Variants in CTNNA3 observed in about 807,000 individuals in gnomAD.
CTNNA3 encodes catenin alpha 3.
CTNNA3 carries 76 observed loss-of-function variants against 95.7 expected under a neutral mutation model. The observed-to-expected ratio is 0.79, with a 90% confidence interval of 0.66 to 0.96. CTNNA3 has a LOEUF of 0.96. CTNNA3 is among the 40% of genes least tolerant of loss of function. CTNNA3 has a pLI of 0.00. For missense variants in CTNNA3, 1,191 were observed against 1,089.8 expected (o/e 1.09, Z -1.31); for synonymous variants, 431 against 374.4 (o/e 1.15, Z -1.74).
intron 15 of CTNNA3, among the ~76,000 whole-genome samples, chr10:66,000,940 C>T (rs1233110695): frequency 6.6e-6 from 1 of 152,066 alleles, no homozygotes; most frequent in African/African-American, 2.4e-5. Flanking sequence ...TCCCATAAAA[C>T]ATATCGAGTT....
chr10:66,453,682 G>A (rs1476269528), intron 11 of CTNNA3, among the ~76,000 whole-genome samples: 4 of 152,162 alleles, frequency 2.6e-5, no homozygotes. Flanking sequence ...GAATAACACA[G>A]CAAATGCTTT....
Position 66,927,085 on chromosome 10 carries a change from T to C in CTNNA3, c.1048-151561A>G. The C allele has an allele frequency of 6.2e-7, 1 of 1,614,190 alleles. No homozygotes were observed. Among genetic ancestry groups the C allele is most frequent in the South Asian group, 1.1e-5 (1 of 91,086 alleles). The stretch of plus-strand genomic sequence containing the variant: ...ATCTCAGAAATTACAGGAGATACCC[T>C]CAAGTATATCTGCTGGTTGCTTAGG... On this transcript the variant is annotated intron_variant, in intron 7 of 17. Coordinates refer to ENST00000433211, the MANE Select transcript of CTNNA3 (RefSeq NM_013266.4). This position sits in a 1 kb window ranked among gnomAD's most constrained non-coding sequence, Gnocchi z 4.7.
At chr10:66,066,808 T>C (rs1018541209) in intron 15 of CTNNA3, among the ~76,000 whole-genome samples, 1 of 152,122 alleles carries the variant, frequency 6.6e-6, no homozygotes, top group Non-Finnish European at 1.5e-5. Flanking sequence ...AAGACAAAAA[T>C]ATGCATATGA....
At chr10:67,252,052 A>G (rs1225303468) in intron 5 of CTNNA3, among the ~76,000 whole-genome samples, 1 of 152,008 alleles carries the variant, frequency 6.6e-6, no homozygotes, top group Non-Finnish European at 1.5e-5. Context: ...TCTACCAAGA[A>G]ACACAAAAAT....
At chr10:67,380,549 T>C (rs990421698) in intron 5 of CTNNA3, among the ~76,000 whole-genome samples, 8 of 152,212 alleles carry the variant, frequency 5.3e-5, no homozygotes, top group Admixed American at 4.6e-4. Flanking sequence ...TGACCTGTAC[T>C]TATGAAAGAC....
chr10:66,951,322 G>A (rs1241095983), intron 7 of CTNNA3, among the ~76,000 whole-genome samples: 1 of 151,982 alleles, frequency 6.6e-6, no homozygotes, highest in African/African-American at 2.4e-5. Context: ...CACCATGTTG[G>A]CCAGGCTGGT....
intron 7 of CTNNA3, among the ~76,000 whole-genome samples, chr10:66,873,582 T>C (rs1166824559): frequency 6.6e-6 from 1 of 152,000 alleles, no homozygotes; most frequent in Non-Finnish European, 1.5e-5. Flanking sequence ...TTTGCTTGTT[T>C]CAAAGAACCC....
intron 1 of CTNNA3, among the ~76,000 whole-genome samples, chr10:67,727,822 T>C (rs886797234): frequency 3.1e-5 from 4 of 129,584 alleles, no homozygotes; most frequent in Non-Finnish European, 4.6e-5. Flanking sequence ...ATATCATATA[T>C]TATATTACAT....
At chr10:67,691,522 T>G (rs1840852823) in intron 1 of CTNNA3, among the ~76,000 whole-genome samples, 1 of 146,850 alleles carries the variant, frequency 6.8e-6, no homozygotes, top group Non-Finnish European at 1.5e-5. Context: ...GTCTGAGATG[T>G]GGGGAGCACC....
Position 67,398,983 on chromosome 10 carries a change from T to C in CTNNA3, c.579+122859A>G, listed in dbSNP as rs75357868. Among the ~76,000 whole-genome samples, 262 of 152,260 alleles carry C rather than the reference T, an allele frequency of 1.7e-3. 5 individuals carry two copies. The East Asian group carries it at 0.033, about 19-fold the overall frequency. On this transcript the variant is annotated intron_variant, in intron 5 of 17. Transcript: ENST00000433211. ...TTCATAAATTACCCAGTCTCAGATA[T>C]GTCTTTATTAGCAGCATGAGAACAG...
Position 66,565,499 on chromosome 10 carries a change from A to G in CTNNA3, c.1375-44726T>C, listed in dbSNP as rs570285989. Among the ~76,000 whole-genome samples, 5 of 152,312 alleles carry G rather than the reference A, an allele frequency of 3.3e-5. No homozygotes were observed. In the East Asian group the frequency reaches 9.6e-4, roughly 29 times the overall value. Reference sequence around the variant, plus strand: ...TGAGACGGATCTTAATTAATATTCCATAAAGGGAAGGATAGGGGAAATATA... The same window carrying G: ...TGAGACGGATCTTAATTAATATTCCGTAAAGGGAAGGATAGGGGAAATATA... On this transcript the variant is annotated intron_variant, in intron 10 of 17. Transcript: ENST00000433211.
At chr10:67,659,423 C>A (rs1346550538) in intron 1 of CTNNA3, among the ~76,000 whole-genome samples, 1 of 152,156 alleles carries the variant, frequency 6.6e-6, no homozygotes, top group Non-Finnish European at 1.5e-5. Flanking sequence ...AGAGAAAGAA[C>A]AGAAATGCCC....
chr10:67,537,363 A>G (rs1564723631), intron 4 of CTNNA3, among the ~76,000 whole-genome samples: 1 of 152,210 alleles, frequency 6.6e-6, no homozygotes, highest in African/African-American at 2.4e-5. Context: ...TGTTAAATAG[A>G]AATCATGATC....
intron 5 of CTNNA3, among the ~76,000 whole-genome samples, chr10:67,267,009 C>T (rs995247941): frequency 3.3e-5 from 5 of 152,068 alleles, no homozygotes; most frequent in Non-Finnish European, 7.4e-5. Flanking sequence ...TTTTGAAATT[C>T]TGGGCATGCT....
At chr10:67,648,627 A>G (rs899467962) in intron 1 of CTNNA3, 2 of 781,992 alleles carry the variant, frequency 2.6e-6, no homozygotes, top group African/African-American at 3.7e-5. Flanking sequence ...AATTCTATTA[A>G]GTGAAAAGAT....
At chr10:66,528,884 G>A (rs139472495) in intron 10 of CTNNA3, among the ~76,000 whole-genome samples, 1 of 152,200 alleles carries the variant, frequency 6.6e-6, no homozygotes, top group African/African-American at 2.4e-5. Flanking sequence ...GATCAAGAGT[G>A]TGCAGTGAAA....
intron 5 of CTNNA3, among the ~76,000 whole-genome samples, chr10:67,397,462 G>C (rs905334155): frequency 2.0e-5 from 3 of 152,006 alleles, no homozygotes; most frequent in Non-Finnish European, 4.4e-5. Flanking sequence ...GATAATTTAG[G>C]GTATCTGGCA....
intron 3 of CTNNA3, among the ~76,000 whole-genome samples, chr10:67,580,112 CT>C (rs1361301362): frequency 6.6e-6 from 1 of 152,002 alleles, no homozygotes; most frequent in Non-Finnish European, 1.5e-5. Context: ...TGGTTTTTAA[CT>C]CATGAAGTCC....
chr10:67,398,986 C>CTTTA (rs1412654027), intron 5 of CTNNA3, among the ~76,000 whole-genome samples: 1 of 152,080 alleles, frequency 6.6e-6, no homozygotes, highest in Non-Finnish European at 1.5e-5. Context: ...TCAGATATGT[C>CTTTA]TTTATTAGCA....
Sources: gnomAD v4.1 joint callset for allele counts (sites outside exome capture counted in the v4.1 genomes callset) on GRCh38, gnomAD v4.1.1 for gene constraint, Gnocchi (gnomAD v3.1) non-coding constraint, MANE v1.5 for transcripts, NCBI Gene and HGNC (gene_info 2026-07-23, HGNC 2026-07-21) for gene names.